IARS1: variants seen among roughly 807,000 people sequenced by gnomAD.
IARS1 encodes the protein isoleucine--tRNA ligase, cytoplasmic.
In IARS1, 124 loss-of-function variants were observed where a neutral mutation model predicts 168.2. That is an observed-to-expected ratio of 0.74 (90% confidence interval 0.64 to 0.86). The LOEUF (loss-of-function observed/expected upper bound fraction) is 0.86. Ranked by LOEUF, IARS1 falls within the 40% of genes least tolerant of loss-of-function variation. IARS1 has a pLI of 0.00. For missense variants in IARS1, 1,452 were observed against 1,515.8 expected (o/e 0.96, Z 0.70); for synonymous variants, 532 against 529.4 (o/e 1.00, Z -0.07).
In IARS1 at chr9:92,285,733, G is replaced by A; in HGVS notation, c.586C>T (p.Gln196Ter). The change falls in exon 6 of 34, where the codon CAG (glutamine) becomes TAG (stop). Residue 196 changes from glutamine to a stop codon, truncating the protein, a stop_gained. Transcript: ENST00000443024. LOFTEE classifies it high-confidence loss of function. ...NTPLSNFESHQNYKDVQDPSV... is the reference protein window; with the variant it reads ...NTPLSNFESH ...TACATTTCACGTACCTTATAATTCT[G>A]GTGTGACTCGAAGTTGGAAAGTGGA... The A allele has an allele frequency of 6.3e-7, 1 of 1,593,910 alleles. No homozygotes were observed. Among genetic ancestry groups the A allele is most frequent in the Non-Finnish European group, 8.6e-7 (1 of 1,161,648 alleles).
At chr9:92,272,531 A>C (rs1482079456) in intron 10 of IARS1, among the ~76,000 whole-genome samples, 1 of 152,212 alleles carries the variant, frequency 6.6e-6, no homozygotes, top group Non-Finnish European at 1.5e-5. Flanking sequence ...TGGTGAAGAC[A>C]AGTGCAACGG....
At chr9:92,234,293 T>C (rs1158472304) in intron 30 of IARS1, among the ~76,000 whole-genome samples, 1 of 152,236 alleles carries the variant, frequency 6.6e-6, no homozygotes, top group Non-Finnish European at 1.5e-5. Flanking sequence ...AGGCCAAACA[T>C]TTAAAAATAA....
chr9:92,240,978 G>GT lies in IARS1; in HGVS notation c.3178-18dup. On this transcript the variant is annotated splice_polypyrimidine_tract_variant and intron_variant, in intron 29 of 33. Coordinates refer to ENST00000443024, the MANE Select transcript of IARS1 (RefSeq NM_002161.6). ...TCCCTTCAACTGAGCACATGAGAAC[G>GT]TATGACTGAGTAACTGTGGCACCTG... is the stretch of plus-strand genomic sequence containing the variant. 1 of 1,450,844 alleles carries GT rather than the reference G, an allele frequency of 6.9e-7. No individual in the cohort carries two copies. The highest frequency in any genetic ancestry group is 9.7e-7 in the Non-Finnish European group (1 of 1,032,248). 89.9% of individuals were successfully genotyped at this position (1,450,844 alleles called of 1,614,324 possible).
chr9:92,213,606 A>G (rs1464782527), intron 33 of IARS1, among the ~76,000 whole-genome samples: 1 of 152,214 alleles, frequency 6.6e-6, no homozygotes, highest in Non-Finnish European at 1.5e-5. Context: ...GCCTTCAGAG[A>G]GACTGTGGCC....
intron 1 of IARS1, among the ~76,000 whole-genome samples, chr9:92,291,217 A>T (rs1472758455): frequency 6.6e-6 from 1 of 152,152 alleles, no homozygotes; most frequent in Non-Finnish European, 1.5e-5. Context: ...TTTCCAAGTC[A>T]GTATCAGATC....
chr9:92,268,444 TA>T, intron 13 of IARS1, 144 bp from the exon 14 acceptor site: 1 of 769,522 alleles, frequency 1.3e-6, no homozygotes, highest in Non-Finnish European at 2.1e-6. Context: ...GAATGTCTTC[TA>T]AATGGACAGC....
chr9:92,277,185 T>TA (rs942223181), intron 9 of IARS1, among the ~76,000 whole-genome samples: 14 of 151,912 alleles, frequency 9.2e-5, no homozygotes, highest in African/African-American at 3.1e-4. Context: ...AATATTCAAA[T>TA]AAAAAATCCC....
chr9:92,278,273 T>C lies in IARS1; in HGVS notation c.759A>G (p.Gly253=), dbSNP rs759143460. 6.2e-7 allele frequency: 1 copy of C among 1,611,186 alleles called. No individual in the cohort carries two copies. The highest frequency in any genetic ancestry group is 1.7e-5 in the Admixed American group (1 of 59,994). ...QYVKIKDVAR[G]RLLILMEARL... ...TGGCTTCCATTAAAATGAGTAATCG[T>C]CCTCTGGCAACATCTACGAGAAAAA... is the stretch of plus-strand genomic sequence containing the variant. The change falls in exon 8 of 34, where the codon GGA becomes GGG. Residue 253 remains glycine, a synonymous_variant. Coordinates refer to ENST00000443024, the MANE Select transcript of IARS1 (RefSeq NM_002161.6).
intron 20 of IARS1, among the ~76,000 whole-genome samples, chr9:92,254,993 C>A (rs1023087097): frequency 6.6e-6 from 1 of 152,176 alleles, no homozygotes; most frequent in Non-Finnish European, 1.5e-5. Flanking sequence ...GGGGTCCGGG[C>A]AACAATCCCC....
At chr9:92,243,023 G>C (rs567817161) in intron 28 of IARS1, 193 bp downstream of exon 28, 115 of 493,786 alleles carry the variant, frequency 2.3e-4, no homozygotes, top group Middle Eastern at 5.8e-4. Flanking sequence ...TGAAAGCTAC[G>C]ACTTGGGAGT....
At chr9:92,251,947 A>G (rs75316985) in intron 21 of IARS1, 62 bp from the exon 22 acceptor site, 2 of 1,211,512 alleles carry the variant, frequency 1.7e-6, no homozygotes, top group African/African-American at 1.5e-5. Flanking sequence ...CATTAAAAAA[A>G]TAAGTTTATT....
rs2230405 is a variant in IARS1, at chr9:92,243,255, A to T, written c.2961T>A (p.Ala987=). Reference sequence around the variant, plus strand: ...TCTGTATGCGATTGATGACTTCCCGAGCCATTCCTTCATCTACCATTGACT... The same window carrying T: ...TCTGTATGCGATTGATGACTTCCCGTGCCATTCCTTCATCTACCATTGACT... ...PDQSMVDEGM[A]REVINRIQKL... Residue 987 remains alanine, a synonymous_variant, in exon 28 of 34, where the codon GCT becomes GCA. Transcript: ENST00000443024. The T allele has an allele frequency of 6.2e-7, 1 of 1,613,726 alleles. No individual in the cohort carries two copies. The highest frequency in any genetic ancestry group is 1.1e-5 in the South Asian group (1 of 91,078).
intron 31 of IARS1, among the ~76,000 whole-genome samples, chr9:92,223,868 G>A (rs763534072): frequency 1.7e-4 from 26 of 152,156 alleles, no homozygotes; most frequent in Admixed American, 5.2e-4. Context: ...TTTGACTCAG[G>A]AGCAGATGTG....
intron 33 of IARS1, among the ~76,000 whole-genome samples, chr9:92,211,802 A>C (rs1440911934): frequency 6.6e-6 from 1 of 152,196 alleles, no homozygotes; most frequent in Admixed American, 6.5e-5. Context: ...TGGAGAAGTA[A>C]AAGTACATAA....
intron 16 of IARS1, among the ~76,000 whole-genome samples, chr9:92,264,404 C>CCTT (rs982233423): frequency 6.6e-6 from 1 of 151,650 alleles, no homozygotes; most frequent in Admixed American, 6.6e-5. Flanking sequence ...AAGTAATTCA[C>CCTT]CTTCTTCCAA....
chr9:92,283,013 C>T (rs1834880645), intron 6 of IARS1, among the ~76,000 whole-genome samples: 1 of 151,942 alleles, frequency 6.6e-6, no homozygotes, highest in Non-Finnish European at 1.5e-5. Flanking sequence ...CGCCACCACG[C>T]CCAGCTAATT....
intron 33 of IARS1, among the ~76,000 whole-genome samples, chr9:92,219,158 A>G (rs999924969): frequency 6.6e-6 from 1 of 152,186 alleles, no homozygotes; most frequent in African/African-American, 2.4e-5. Flanking sequence ...ACCTGAGAAA[A>G]ACAAGCAATG....
At chr9:92,226,287 G>C (rs1351235679) in intron 31 of IARS1, among the ~76,000 whole-genome samples, 2 of 152,174 alleles carry the variant, frequency 1.3e-5, no homozygotes, top group African/African-American at 4.8e-5. Flanking sequence ...CAGTGAATGA[G>C]AGTTCCCATT....
At chr9:92,222,443 A>T in intron 33 of IARS1, 77 bp downstream of exon 33, 5 of 1,152,684 alleles carry the variant, frequency 4.3e-6, no homozygotes, top group Non-Finnish European at 6.4e-6. Flanking sequence ...TCTTACATGT[A>T]TATGCTACAA....
Sources: allele counts gnomAD v4.1 joint callset (sites outside exome capture counted in the v4.1 genomes callset), GRCh38; gene constraint gnomAD v4.1.1; transcripts MANE v1.5; gene names NCBI Gene and HGNC (gene_info 2026-07-23, HGNC 2026-07-21).